ADGRL2: variants seen among roughly 807,000 people sequenced by gnomAD.
ADGRL2 encodes calcium-independent alpha-latrotoxin receptor 2.
Under a neutral mutation model 157.4 loss-of-function variants are expected in ADGRL2, and 44 were observed. That is an observed-to-expected ratio of 0.28 (90% CI 0.22 to 0.36). The LOEUF is 0.36. ADGRL2 is among the 10% of genes least tolerant of loss of function. The pLI is 1.00. For missense variants in ADGRL2, 1,510 were observed against 1,768.9 expected, an observed-to-expected ratio of 0.85 and a Z score of 2.63; for synonymous variants, 585 against 624.7, an observed-to-expected ratio of 0.94 and a Z score of 0.95.
chr1:81,403,710 A>G (rs1485979016), intron 1 of ADGRL2, among the ~76,000 whole-genome samples: 1 of 152,146 alleles, frequency 6.6e-6, no homozygotes, highest in African/African-American at 2.4e-5. Flanking sequence ...TACATTCTGC[A>G]GTGTATATGT....
rs1238496386 is a variant in ADGRL2 at position 81,463,130 on chromosome 1, A to AG, written c.-248+18041_-248+18042insG. ...ACCATGTCTCAAAAAAAAAAAAAAA[A>AG]AAAAGAAAAAGAAAAGAAAAAACAA... On this transcript the variant is annotated intron_variant, in intron 2 of 24. Transcript: ENST00000370721. Among the ~76,000 whole-genome samples the AG allele has an allele frequency of 4.1e-5, 6 of 148,068 alleles. No homozygotes were observed. The East Asian group carries it at 1.1e-3, about 26-fold the overall frequency.
At chr1:81,456,457 C>G (rs928424437) in intron 2 of ADGRL2, among the ~76,000 whole-genome samples, 1 of 152,030 alleles carries the variant, frequency 6.6e-6, no homozygotes, top group African/African-American at 2.4e-5. Flanking sequence ...AGGCTAGTAT[C>G]AAAGCCCTGG....
At chr1:81,856,964 G>C (rs1490104149) in intron 2 of ADGRL2, among the ~76,000 whole-genome samples, 3 of 152,096 alleles carry the variant, frequency 2.0e-5, no homozygotes, top group Non-Finnish European at 4.4e-5. Flanking sequence ...GAAATAACTA[G>C]ATTTTAATGT....
chr1:81,810,999 C>T (rs1205266809), intron 1 of ADGRL2, among the ~76,000 whole-genome samples: 7 of 151,778 alleles, frequency 4.6e-5, no homozygotes, highest in Non-Finnish European at 8.8e-5. Flanking sequence ...AATGTTCTCC[C>T]ACTTTGCTTT....
At chr1:81,473,749 A>T (rs11163301) in intron 2 of ADGRL2, among the ~76,000 whole-genome samples, 112,849 of 151,870 alleles carry the variant, frequency 0.74, 44,381 homozygotes, top group Non-Finnish European at 0.88. Flanking sequence ...GTAGCGCTGC[A>T]GCATCTTATT....
At position 81,511,070 on chromosome 1, in the gene ADGRL2, A is replaced by C. The variant is rs527639701; in HGVS notation, c.-248+65981A>C. ...GAAGACATTTCTTAGTCTTGGAGGA[A>C]ATTTTTTATTAAATATAAATTACTA... On this transcript the variant is annotated intron_variant, in intron 2 of 24. Coordinates refer to the ADGRL2 transcript ENST00000370721. Among the ~76,000 whole-genome samples, 7 of 152,252 alleles carry C rather than the reference A, an allele frequency of 4.6e-5. No individual in the cohort carries two copies. In the South Asian group the frequency reaches 1.2e-3, roughly 27 times the overall value.
chr1:81,621,154 G>GC (rs1394810447), intron 3 of ADGRL2, among the ~76,000 whole-genome samples: 1 of 152,098 alleles, frequency 6.6e-6, no homozygotes, highest in Non-Finnish European at 1.5e-5. Context: ...TAGATGAGCA[G>GC]CCCCTCTCTG....
At chr1:81,709,292 G>C (rs1049809203) in intron 1 of ADGRL2, among the ~76,000 whole-genome samples, 5 of 152,084 alleles carry the variant, frequency 3.3e-5, no homozygotes, top group Admixed American at 6.5e-5. Flanking sequence ...GGATAAAATA[G>C]GCTTTATGGA....
intron 2 of ADGRL2, among the ~76,000 whole-genome samples, chr1:81,479,688 T>C (rs898440833): frequency 2.3e-4 from 35 of 152,302 alleles, no homozygotes; most frequent in African/African-American, 8.2e-4. Context: ...ATTGCATCCT[T>C]CTAATTCCTT....
At chr1:81,574,092 A>T (rs531625164) in intron 2 of ADGRL2, among the ~76,000 whole-genome samples, 1 of 152,294 alleles carries the variant, frequency 6.6e-6, no homozygotes, top group East Asian at 1.9e-4. Flanking sequence ...TACAAAGTGG[A>T]TATCAAACAG....
At position 81,991,087 on chromosome 1, in the gene ADGRL2, G is replaced by A; in HGVS notation, c.4352G>A (p.Gly1451Glu). 1 of 1,612,444 alleles carries A rather than the reference G, an allele frequency of 6.2e-7. No homozygotes were observed. The highest frequency in any genetic ancestry group is 8.5e-7 in the Non-Finnish European group (1 of 1,179,126). ...DGYIIPINKE[G>E]CIPEGDVREG... ...TATATAATCCCCATTAACAAAGAAG[G>A]GTGTATTCCAGAAGGAGATGTTAGA... Residue 1451 changes from glycine to glutamate, a missense_variant, in exon 24 of 24, where the codon GGG (glycine) becomes GAG (glutamate). Physicochemically the swap from Gly to Glu is moderately conservative, Grantham distance 98 (BLOSUM62 -2). Transcript: ENST00000686636.
intron 17 of ADGRL2, among the ~76,000 whole-genome samples, chr1:81,973,141 A>T (rs1558030156): frequency 6.6e-6 from 1 of 152,138 alleles, no homozygotes; most frequent in Non-Finnish European, 1.5e-5. Flanking sequence ...TCAAGTGTAT[A>T]TTTGTTTGTC....
intron 2 of ADGRL2, among the ~76,000 whole-genome samples, chr1:81,510,268 G>C (rs2079051794): frequency 6.6e-6 from 1 of 152,076 alleles, no homozygotes; most frequent in Non-Finnish European, 1.5e-5. Flanking sequence ...TATTTATCAG[G>C]TGCATATCCT....
At chr1:81,715,777 A>G (rs1243671541) in intron 1 of ADGRL2, among the ~76,000 whole-genome samples, 1 of 152,156 alleles carries the variant, frequency 6.6e-6, no homozygotes, top group Non-Finnish European at 1.5e-5. Flanking sequence ...CATGAGACCA[A>G]GGTCACAGAA....
intron 1 of ADGRL2, among the ~76,000 whole-genome samples, chr1:81,819,499 C>A (rs968357601): frequency 2.6e-5 from 4 of 152,034 alleles, no homozygotes; most frequent in African/African-American, 9.7e-5. Context: ...TATATTTTTT[C>A]TTCCTTTTAA....
chr1:81,708,182 A>T (rs1361736380), intron 1 of ADGRL2, among the ~76,000 whole-genome samples: 1 of 152,170 alleles, frequency 6.6e-6, no homozygotes, highest in Non-Finnish European at 1.5e-5. Context: ...GCACCTTCAT[A>T]AACTTGCCTT....
chr1:81,707,489 T>C (rs745342930), intron 1 of ADGRL2, among the ~76,000 whole-genome samples: 7 of 152,228 alleles, frequency 4.6e-5, no homozygotes, highest in Admixed American at 1.3e-4. Context: ...CTGGTGACTT[T>C]TAAAAGCTAT....
At chr1:81,481,151 A>C (rs548411296) in intron 2 of ADGRL2, among the ~76,000 whole-genome samples, 8 of 152,332 alleles carry the variant, frequency 5.3e-5, no homozygotes, top group Admixed American at 2.6e-4. Flanking sequence ...AAACATAATA[A>C]AAATAACCAT....
chr1:81,374,976 C>T (rs552762774), intron 1 of ADGRL2, among the ~76,000 whole-genome samples: 17 of 152,142 alleles, frequency 1.1e-4, no homozygotes, highest in Non-Finnish European at 2.4e-4. Flanking sequence ...TTTGAGACCA[C>T]GGCTGGGTGA....
Sources: allele counts gnomAD v4.1 joint callset (sites outside exome capture counted in the v4.1 genomes callset), GRCh38; gene constraint gnomAD v4.1.1; transcripts MANE v1.5; gene names NCBI Gene and HGNC (gene_info 2026-07-23, HGNC 2026-07-21).